Variants in ARHGEF10 observed in about 807,000 individuals in gnomAD.
The protein encoded by ARHGEF10 is Rho guanine nucleotide exchange factor (GEF) 10.
In ARHGEF10, 140 loss-of-function variants were observed where a neutral mutation model predicts 147.4. The observed-to-expected ratio is 0.95, with a 90% CI of 0.83 to 1.09. The LOEUF (loss-of-function observed/expected upper bound fraction) is 1.09, where lower values mean the gene tolerates loss of function less well. Ranked by LOEUF, ARHGEF10 falls within the 50% of genes least tolerant of loss-of-function variation. ARHGEF10 has a pLI of 0.00. For synonymous variants in ARHGEF10, 902 were observed against 695.8 expected (o/e 1.30, Z -4.67); for missense variants, 2,222 against 1,752.7 (o/e 1.27, Z -4.78).
At chr8:1,941,419 CT>C (rs1814080605) in intron 26 of ARHGEF10, among the ~76,000 whole-genome samples, 1 of 152,138 alleles carries the variant, frequency 6.6e-6, no homozygotes, top group South Asian at 2.1e-4. Context: ...AAGATTTATA[CT>C]CTAAAAACTA....
rs141775950 is a variant in ARHGEF10 at position 1,956,771 on chromosome 8, T to C, written c.3543T>C (p.His1181=). 9 of 1,614,032 alleles carry C rather than the reference T, an allele frequency of 5.6e-6. No individual in the cohort carries two copies. The highest frequency in any genetic ancestry group is 7.6e-6 in the Non-Finnish European group (9 of 1,180,020). ...CAGGAAGAGGCATGGTCTCCTACCA[T>C]GCACACAACAGTCCTGTCAAATTCA... The part of the protein sequence containing the change: ...KVTGRGMVSY[H]AHNSPVKFIV... Residue 1181 remains histidine, a synonymous_variant, in exon 29 of 29, where the codon CAT becomes CAC. Transcript: ENST00000349830.
intron 1 of ARHGEF10, among the ~76,000 whole-genome samples, chr8:1,841,228 G>A (rs192976580): frequency 5.4e-4 from 81 of 151,248 alleles, no homozygotes; most frequent in African/African-American, 1.8e-3. Context: ...TTGGAGTTGC[G>A]CTGGCGAGGT....
In ARHGEF10 at chr8:1,956,947, C is replaced by G. The variant is rs368606134; in HGVS notation, c.3719C>G (p.Ala1240Gly). The G allele has an allele frequency of 1.9e-6, 3 of 1,614,176 alleles. No individual in the cohort carries two copies. The highest frequency in any genetic ancestry group is 2.5e-6 in the Non-Finnish European group (3 of 1,180,028). Reference protein sequence around the residue: ...SSLSQGDPDAAIWLGDSLGSM... With the variant: ...SSLSQGDPDAGIWLGDSLGSM... ...CTGAGCCAGGGTGACCCTGACGCAG[C>G]CATCTGGTTGGGAGATTCGCTGGGA... The change falls in exon 29 of 29, where the codon GCC becomes GGC. Residue 1240 changes from alanine to glycine, a missense_variant. Coordinates refer to ENST00000349830, the MANE Select transcript of ARHGEF10 (RefSeq NM_014629.4).
At chr8:1,833,355 G>GACAGAGGCAGGTGCAGAAACAGGGAC (rs1803374748) in intron 1 of ARHGEF10, among the ~76,000 whole-genome samples, 14 of 48,180 alleles carry the variant, frequency 2.9e-4, no homozygotes, top group Middle Eastern at 0.032. Flanking sequence ...CAGAGGCAGA[G>GACAGAGGCAGGTGCAGAAACAGGGAC]AGAGACAGAG....
At position 1,942,218 on chromosome 8, in the gene ARHGEF10, G is replaced by A. The variant is rs560851614; in HGVS notation, c.3223-3263G>A. On this transcript the variant is annotated intron_variant, in intron 26 of 28. Transcript: ENST00000349830. ...GGGAGAAAATACGTACAGCTCATGTGAGAAGGATCTAGTATGCAGAGCATC... is the reference window on the plus strand; with the variant it reads ...GGGAGAAAATACGTACAGCTCATGTAAGAAGGATCTAGTATGCAGAGCATC... Among the ~76,000 whole-genome samples, 5 of 149,566 alleles carry A rather than the reference G, an allele frequency of 3.3e-5. No individual in the cohort carries two copies. In the South Asian group the frequency reaches 1.1e-3, roughly 33 times the overall value.
chr8:1,877,083 C>T (rs117861860), intron 8 of ARHGEF10, among the ~76,000 whole-genome samples: 75 of 152,282 alleles, frequency 4.9e-4, no homozygotes, highest in Non-Finnish European at 7.5e-4. Flanking sequence ...TAGATGGGAT[C>T]GGGGTTCCCT....
At chr8:1,919,690 T>A (rs563891988) in intron 18 of ARHGEF10, among the ~76,000 whole-genome samples, 5 of 144,102 alleles carry the variant, frequency 3.5e-5, no homozygotes, top group African/African-American at 1.3e-4. Context: ...GGTGATGAGC[T>A]GTTTTGTGGG....
intron 18 of ARHGEF10, among the ~76,000 whole-genome samples, chr8:1,917,200 G>A (rs922639286): frequency 2.0e-5 from 3 of 152,212 alleles, no homozygotes; most frequent in East Asian, 1.9e-4. Flanking sequence ...TTAGACTCCT[G>A]ATGCATGTTT....
rs137867565 is a variant in ARHGEF10, at chr8:1,865,938, G to C, written c.546-588G>C. 3.2e-3 allele frequency among the ~76,000 whole-genome samples: 492 copies of C among 152,310 alleles called. 2 individuals carry two copies. Among genetic ancestry groups the C allele is most frequent in the Non-Finnish European group, 5.3e-3 (359 of 68,022 alleles). The stretch of plus-strand genomic sequence containing the variant: ...TGGTGCCTCTCATGGGGCGATGCTT[G>C]GTGTGTGCAGTGAGTCTGACCTCAT... On this transcript the variant is annotated intron_variant, in intron 5 of 28. Transcript: ENST00000349830.
At position 1,923,017 on chromosome 8, in the gene ARHGEF10, C is replaced by T. The variant is rs147531758; in HGVS notation, c.2197C>T (p.His733Tyr). ...QLYQDLQNLL[H>Y]DLNVIGQITQ... Reference sequence around the variant, plus strand: ...GTATCAAGATTTACAAAACTTGTTGCATGACTTAAATGTAATTGGCCAAAT... The same window carrying T: ...GTATCAAGATTTACAAAACTTGTTGTATGACTTAAATGTAATTGGCCAAAT... The change falls in exon 19 of 29, where the codon CAT (histidine) becomes TAT (tyrosine). Residue 733 changes from histidine (H) to tyrosine (Y), a missense_variant. Coordinates refer to ENST00000349830, the MANE Select transcript of ARHGEF10 (RefSeq NM_014629.4). The T allele has an allele frequency of 1.7e-3, 2,820 of 1,613,580 alleles. 5 individuals are homozygous for T. The highest frequency in any genetic ancestry group is 2.2e-3 in the Non-Finnish European group (2,566 of 1,179,908).
chr8:1,928,091 G>C (rs1170329186), intron 23 of ARHGEF10, among the ~76,000 whole-genome samples: 2 of 152,154 alleles, frequency 1.3e-5, no homozygotes, highest in Non-Finnish European at 2.9e-5. Context: ...TATTAAAATT[G>C]ATAATAATCT....
At chr8:1,914,253 A>G (rs1475962552) in intron 18 of ARHGEF10, among the ~76,000 whole-genome samples, 4 of 152,212 alleles carry the variant, frequency 2.6e-5, no homozygotes, top group African/African-American at 9.6e-5. Flanking sequence ...ACGGTTCCTC[A>G]TGAGGCTCCC....
intron 14 of ARHGEF10, among the ~76,000 whole-genome samples, chr8:1,897,087 C>G (rs570271756): frequency 1.3e-5 from 2 of 152,220 alleles, no homozygotes; most frequent in African/African-American, 4.8e-5. Flanking sequence ...AAGACGTCGG[C>G]GGAACTGAGT....
intron 2 of ARHGEF10, among the ~76,000 whole-genome samples, chr8:1,854,460 A>G (rs1805396875): frequency 6.6e-6 from 1 of 152,172 alleles, no homozygotes; most frequent in Non-Finnish European, 1.5e-5. Context: ...TTCTGAGAGG[A>G]ATTTGTAACA....
chr8:1,840,752 G>A (rs1329004406), intron 1 of ARHGEF10, among the ~76,000 whole-genome samples: 3 of 152,176 alleles, frequency 2.0e-5, no homozygotes, highest in Non-Finnish European at 4.4e-5. Context: ...AAGCATGTCT[G>A]TCTGACCTTA....
chr8:1,862,931 A>G, intron 4 of ARHGEF10, among the ~76,000 whole-genome samples: 1 of 150,528 alleles, frequency 6.6e-6, no homozygotes. Flanking sequence ...GGCGCCCGCC[A>G]CCACGCCCGG....
At position 1,937,963 on chromosome 8, in the gene ARHGEF10, G is replaced by A. The variant is rs1813755534; in HGVS notation, c.3222+4021G>A. Reference sequence around the variant, plus strand: ...GGGTGGCTGGCCCCGTCCCAGCTCTGGCGCCATAACAAAGCAGCACTGGGC... The same window carrying A: ...GGGTGGCTGGCCCCGTCCCAGCTCTAGCGCCATAACAAAGCAGCACTGGGC... On this transcript the variant is annotated intron_variant, in intron 26 of 28. Coordinates refer to ENST00000349830, the MANE Select transcript of ARHGEF10 (RefSeq NM_014629.4). This position sits in a 1 kb window ranked among gnomAD's most constrained non-coding sequence, Gnocchi z 4.9. Among the ~76,000 whole-genome samples the A allele has an allele frequency of 6.6e-6, 1 of 152,190 alleles. No homozygotes were observed. Among genetic ancestry groups the A allele is most frequent in the Non-Finnish European group, 1.5e-5 (1 of 68,036 alleles).
chr8:1,861,526 G>A (rs1274467424), intron 4 of ARHGEF10, among the ~76,000 whole-genome samples: 2 of 152,214 alleles, frequency 1.3e-5, no homozygotes, highest in Admixed American at 6.5e-5. Flanking sequence ...GGGTTCATGG[G>A]ATGTTCCTCT....
At chr8:1,860,330 C>G (rs1806007925) in intron 4 of ARHGEF10, 146 bp downstream of exon 4, 2 of 1,069,920 alleles carry the variant, frequency 1.9e-6, no homozygotes, top group African/African-American at 1.6e-5. Context: ...TTCCCCCCTC[C>G]TCCTCCTCTC....
Sources: gnomAD v4.1 joint callset for allele counts (sites outside exome capture counted in the v4.1 genomes callset) on GRCh38, gnomAD v4.1.1 for gene constraint, Gnocchi (gnomAD v3.1) non-coding constraint, MANE v1.5 for transcripts, NCBI Gene and HGNC (gene_info 2026-07-23, HGNC 2026-07-21) for gene names.